Variants in MKRN1 observed in about 807,000 individuals in gnomAD.
The protein encoded by MKRN1 is E3 ubiquitin-protein ligase makorin-1.
In MKRN1, 9 loss-of-function variants were observed where a neutral mutation model predicts 55.5. That is an observed-to-expected ratio of 0.16 (90% CI 0.10 to 0.28). The LOEUF (loss-of-function observed/expected upper bound fraction) is 0.28. MKRN1 is among the 10% of genes least tolerant of loss of function. MKRN1 has a pLI of 1.00. For missense variants in MKRN1, 488 were observed against 626.7 expected (o/e 0.78, Z 2.36); for synonymous variants, 253 against 235.9 (o/e 1.07, Z -0.66).
In MKRN1 at chr7:140,453,285, C is replaced by G. The variant is rs948335643; in HGVS notation, c.*1232G>C. 2 of 152,600 alleles carry G rather than the reference C, an allele frequency of 1.3e-5. No individual in the cohort carries two copies. The highest frequency in any genetic ancestry group is 2.9e-5 in the Non-Finnish European group (2 of 68,022). 9.5% of individuals were successfully genotyped at this position (152,600 alleles called of 1,614,324 possible). ...TCAAGGAATTCTTCCAACAACTTAA[C>G]TTTAGCTAATCTCAGGGATTCCCAA... On this transcript the variant is annotated 3_prime_UTR_variant, in exon 8 of 8. Transcript: ENST00000255977.
intron 5 of MKRN1, chr7:140,456,118 T>C (rs1175632728): frequency 1.8e-6 from 2 of 1,134,852 alleles, no homozygotes; most frequent in Admixed American, 7.5e-5. Context: ...CAGTTCTTTT[T>C]TTTTTTTTTT....
At chr7:140,460,246 CAAAAAAAAA>C (rs58698651) in intron 2 of MKRN1, 8 of 77,264 alleles carry the variant, frequency 1.0e-4, no homozygotes, top group East Asian at 9.2e-4. Context: ...GACTCCGTCT[CAAAAAAAAA>C]AAAAAAAAAA....
chr7:140,474,931 C>G (rs183563917), intron 1 of MKRN1, among the ~76,000 whole-genome samples: 4,013 of 151,850 alleles, frequency 0.026, 188 homozygotes, highest in African/African-American at 0.09. Context: ...GTTGGCCAGG[C>G]TGGTCTCGAA....
At chr7:140,460,245 TC>T (rs1320331090) in intron 2 of MKRN1, 3 of 41,332 alleles carry the variant, frequency 7.3e-5, no homozygotes, top group Non-Finnish European at 1.3e-4. Flanking sequence ...AGACTCCGTC[TC>T]AAAAAAAAAA....
In MKRN1 at chr7:140,459,237, A is replaced by C. The variant is rs767193234; in HGVS notation, c.545-4T>G. 2.1e-5 allele frequency: 34 copies of C among 1,613,622 alleles called. 2 individuals are homozygous for C. In the South Asian group the frequency reaches 3.6e-4, roughly 17 times the overall value. ...GCTTCAGTGCAGGAAGGCGCAGCTG[A>C]AAATGTGTAAGAGGGTGGTAAAGGT... is the stretch of plus-strand genomic sequence containing the variant. On this transcript the variant is annotated splice_polypyrimidine_tract_variant and splice_region_variant and intron_variant, in intron 3 of 7. Transcript: ENST00000255977.
intron 1 of MKRN1, chr7:140,473,409 A>G: frequency 3.1e-6 from 1 of 327,674 alleles, no homozygotes; most frequent in Non-Finnish European, 5.9e-6. Context: ...GGCCCCCAAC[A>G]TAGAGAACAA....
At chr7:140,468,381 T>C (rs998961348) in intron 2 of MKRN1, among the ~76,000 whole-genome samples, 1 of 151,970 alleles carries the variant, frequency 6.6e-6, no homozygotes, top group African/African-American at 2.4e-5. Flanking sequence ...TGACTCTGCC[T>C]TTTATATTGG....
chr7:140,470,817 T>A (rs889265710), intron 2 of MKRN1, among the ~76,000 whole-genome samples: 3 of 151,656 alleles, frequency 2.0e-5, no homozygotes, highest in African/African-American at 7.3e-5. Context: ...CTTGGGAAAC[T>A]GAGGCAGGAG....
Position 140,455,009 on chromosome 7 carries a change from A to G in MKRN1, c.1236+86T>C, listed in dbSNP as rs542246739. ...CTTTCGCTCCCAGACCTGAGCGTTA[A>G]CCTTCTCCTTCCCCTACCCCAATAT... On this transcript the variant is annotated intron_variant, in intron 7 of 7. Transcript: ENST00000255977. 903 of 1,545,432 alleles carry G rather than the reference A, an allele frequency of 5.8e-4. 2 individuals carry two copies. The Middle Eastern group carries it at 6.0e-3, about 10-fold the overall frequency.
chr7:140,466,022 A>AT lies in MKRN1; in HGVS notation c.314+5860dup, dbSNP rs543853277. On this transcript the variant is annotated intron_variant, in intron 2 of 7. Transcript: ENST00000255977. ...CTTGAACCCAGGAGGCGGACATTGC[A>AT]TTGAGCCGAGATCACGCCACTGCAC... Among the ~76,000 whole-genome samples, 155 of 152,160 alleles carry AT rather than the reference A, an allele frequency of 1.0e-3. 1 individual carries two copies. The highest frequency in any genetic ancestry group is 3.3e-3 in the African/African-American group (139 of 41,540).
Position 140,455,207 on chromosome 7 carries a change from T to A in MKRN1, c.1124A>T (p.Glu375Val). 6.2e-7 allele frequency: 1 copy of A among 1,614,150 alleles called. No homozygotes were observed. Among genetic ancestry groups the A allele is most frequent in the Non-Finnish European group, 8.5e-7 (1 of 1,180,034 alleles). The change falls in exon 7 of 8, where the codon GAA (glutamate) becomes GTA (valine). Residue 375 changes from glutamate to valine, a missense_variant. This residue lies in a region of MKRN1 where 278 missense variants were observed against 406.7 expected (regional missense o/e 0.68). Transcript: ENST00000255977. ...MSNKACRYFD[E>V]GRGSCPFGGN... The stretch of plus-strand genomic sequence containing the variant: ...TCCAAATGGGCAGCTCCCACGTCCT[T>A]CATCAAAATACCTGCACGCCTTGTT...
intron 3 of MKRN1, 83 bp from the exon 4 acceptor site, chr7:140,459,316 T>A: frequency 7.1e-7 from 1 of 1,398,858 alleles, no homozygotes; most frequent in Non-Finnish European, 9.9e-7. Context: ...CCGCAAAAAA[T>A]GAAAATAAAA....
chr7:140,465,856 C>T (rs572457657), intron 2 of MKRN1, among the ~76,000 whole-genome samples: 56 of 151,886 alleles, frequency 3.7e-4, no homozygotes, highest in Middle Eastern at 3.4e-3. Flanking sequence ...CCGAGGTGGG[C>T]GGATCAGGAG....
At chr7:140,464,326 C>G (rs1794710694) in intron 2 of MKRN1, among the ~76,000 whole-genome samples, 2 of 152,108 alleles carry the variant, frequency 1.3e-5, no homozygotes, top group South Asian at 2.1e-4. Context: ...ATTACTTGAG[C>G]CCAGGAATTT....
Position 140,455,137 on chromosome 7 carries a change from C to T in MKRN1, c.1194G>A (p.Glu398=). The part of the protein sequence containing the change: ...YKHAYPDGRR[E]EPQRQKVGTS... ...TTCCCACTTTCTGTCTCTGTGGCTC[C>T]TCTCTACGGCCATCAGGGTACGCAT... The change falls in exon 7 of 8, where the codon GAG becomes GAA. Residue 398 remains glutamate (E), a synonymous_variant. Coordinates refer to ENST00000255977, the MANE Select transcript of MKRN1 (RefSeq NM_013446.4). 6.2e-7 allele frequency: 1 copy of T among 1,614,062 alleles called. No homozygotes were observed. The highest frequency in any genetic ancestry group is 8.5e-7 in the Non-Finnish European group (1 of 1,180,020).
rs1310817767 is a variant in MKRN1, at chr7:140,453,393, GA to G, written c.*1123del. 6.6e-6 allele frequency: 1 copy of G among 152,540 alleles called. No homozygotes were observed. Among genetic ancestry groups the G allele is most frequent in the East Asian group, 1.9e-4 (1 of 5,186 alleles). 9.4% of individuals were successfully genotyped at this position (152,540 alleles called of 1,614,324 possible). ...AATAAACACCTTAGAACAGAGTTTT[GA>G]ATCACGTCTGTCTACCTGAAAGCTC... On this transcript the variant is annotated 3_prime_UTR_variant, in exon 8 of 8. Transcript: ENST00000255977.
intron 2 of MKRN1, among the ~76,000 whole-genome samples, chr7:140,460,520 C>T (rs1279685237): frequency 6.6e-6 from 1 of 151,794 alleles, no homozygotes; most frequent in African/African-American, 2.4e-5. Context: ...AGGCTGATCT[C>T]GAACTCCTGA....
In MKRN1 at chr7:140,456,495, T is replaced by C; in HGVS notation, c.986+157A>G. 7 of 1,442,636 alleles carry C rather than the reference T, an allele frequency of 4.9e-6. No homozygotes were observed. In the South Asian group the frequency reaches 9.0e-5, roughly 18 times the overall value. The allele number at this position is 1,442,636 out of a possible 1,614,324, so 89.4% of individuals were successfully genotyped here. A position where few individuals can be genotyped will look rare whatever the true frequency, so the allele number is the denominator to read the frequency against. On this transcript the variant is annotated intron_variant, in intron 5 of 7. Coordinates refer to ENST00000255977, the MANE Select transcript of MKRN1 (RefSeq NM_013446.4). ...TAGATAGACCAACTAACCTAGAAGCTAGCTGAAATACAAAGAAGAAATCCC... is the reference window on the plus strand; with the variant it reads ...TAGATAGACCAACTAACCTAGAAGCCAGCTGAAATACAAAGAAGAAATCCC...
chr7:140,471,785 C>G, intron 2 of MKRN1, 98 bp downstream of exon 2: 1 of 1,483,752 alleles, frequency 6.7e-7, no homozygotes, highest in Non-Finnish European at 9.1e-7. Context: ...ATTTTCAAAG[C>G]ATTATTTTTA....
Sources: gnomAD v4.1 joint callset for allele counts (sites outside exome capture counted in the v4.1 genomes callset) on GRCh38, gnomAD v4.1.1 for gene constraint, gnomAD v4.1.1 regional missense constraint, MANE v1.5 for transcripts, NCBI Gene and HGNC (gene_info 2026-07-23, HGNC 2026-07-21) for gene names.